ANAPC5: variants seen among roughly 807,000 people sequenced by gnomAD.
ANAPC5 encodes anaphase promoting complex subunit 5.
In ANAPC5, 60 loss-of-function variants were observed where a neutral mutation model predicts 91.3. The observed-to-expected ratio is 0.66, with a 90% CI of 0.53 to 0.81. The LOEUF is 0.81. Ranked by LOEUF, ANAPC5 falls within the 40% of genes least tolerant of loss-of-function variation. The pLI, the probability that ANAPC5 is intolerant of heterozygous loss-of-function variation, is 0.00. For synonymous variants in ANAPC5, 340 were observed against 364.1 expected (o/e 0.93, Z 0.75); for missense variants, 690 against 931.5 (o/e 0.74, Z 3.37).
chr12:121,327,276 G>A, intron 10 of ANAPC5, 45 bp from the exon 11 acceptor site: 1 of 1,604,096 alleles, frequency 6.2e-7, no homozygotes, highest in Non-Finnish European at 8.5e-7. Flanking sequence ...CAGCAGACCT[G>A]GCTGCGCTTT....
chr12:121,351,869 A>C (rs1555275414), intron 1 of ANAPC5, among the ~76,000 whole-genome samples: 2 of 152,072 alleles, frequency 1.3e-5, no homozygotes, highest in Non-Finnish European at 2.9e-5. Flanking sequence ...AAGAAGATAC[A>C]GGATCTGAGA....
At chr12:121,343,243 A>G (rs1555274278) in intron 4 of ANAPC5, among the ~76,000 whole-genome samples, 2 of 152,252 alleles carry the variant, frequency 1.3e-5, no homozygotes, top group African/African-American at 4.8e-5. Flanking sequence ...ACACTTTGCT[A>G]CTTTAAGCAT....
upstream of ANAPC5, among the ~76,000 whole-genome samples, chr12:121,352,718 T>TGGTGGTGG (rs1555275623): frequency 2.9e-4 from 30 of 102,420 alleles, no homozygotes; most frequent in Admixed American, 1.8e-3. Flanking sequence ...GTTGTTGTTG[T>TGGTGGTGG]TGGTGGTGGT....
chr12:121,344,303 G>A (rs1295765234), intron 4 of ANAPC5, among the ~76,000 whole-genome samples: 3 of 152,256 alleles, frequency 2.0e-5, no homozygotes, highest in Non-Finnish European at 4.4e-5. Flanking sequence ...TTGGGGCCGA[G>A]TGCGGTGGCT....
intron 11 of ANAPC5, among the ~76,000 whole-genome samples, chr12:121,322,465 T>A (rs1902654878): frequency 6.6e-6 from 1 of 152,188 alleles, no homozygotes; most frequent in Non-Finnish European, 1.5e-5. Context: ...AGCTTACATA[T>A]ATTTTTATAA....
In ANAPC5 at chr12:121,308,703, G is replaced by T; in HGVS notation, c.2057-12C>A. The T allele has an allele frequency of 6.2e-7, 1 of 1,610,860 alleles. No individual in the cohort carries two copies. Among genetic ancestry groups the T allele is most frequent in the South Asian group, 1.1e-5 (1 of 90,978 alleles). On this transcript the variant is annotated splice_polypyrimidine_tract_variant and intron_variant, in intron 16 of 16. Coordinates refer to ENST00000261819, the MANE Select transcript of ANAPC5 (RefSeq NM_016237.5). ...GGCAGCCTCCAGAGCTGACGGAAAGGGGAAAATAACACACACATTTAACTC... is the reference window on the plus strand; with the variant it reads ...GGCAGCCTCCAGAGCTGACGGAAAGTGGAAAATAACACACACATTTAACTC...
chr12:121,315,191 A>G lies in ANAPC5; in HGVS notation c.1893+3086T>C, dbSNP rs147084340. ...AAATGTTTAAAAAAATTTCATTTAA[A>G]TTACCATCAAAAAGAATAAAATACT... On this transcript the variant is annotated intron_variant, in intron 15 of 16. Transcript: ENST00000261819. 3.9e-5 allele frequency among the ~76,000 whole-genome samples: 6 copies of G among 152,350 alleles called. No homozygotes were observed. In the East Asian group the frequency reaches 9.6e-4, roughly 24 times the overall value.
chr12:121,352,429 C>T (rs540329867), upstream of ANAPC5: 30 of 1,058,466 alleles, frequency 2.8e-5, no homozygotes, highest in Admixed American at 1.8e-4. Context: ...CATCTCCGCC[C>T]GCCCTCACAA....
At chr12:121,352,741 C>CGTT (rs1282015702), upstream of ANAPC5, among the ~76,000 whole-genome samples, 2 of 28,764 alleles carry the variant, frequency 7.0e-5, no homozygotes, top group South Asian at 1.4e-3. Context: ...TGGTGGTTGT[C>CGTT]GTTGTTGTTG....
intron 15 of ANAPC5, 122 bp from the exon 16 acceptor site, chr12:121,309,985 T>A: frequency 2.2e-6 from 2 of 923,468 alleles, no homozygotes; most frequent in Non-Finnish European, 3.1e-6. Flanking sequence ...ACCTGACATG[T>A]ACTACGTTAA....
intron 1 of ANAPC5, among the ~76,000 whole-genome samples, chr12:121,349,867 C>T (rs1316688360): frequency 1.3e-5 from 2 of 151,596 alleles, no homozygotes; most frequent in African/African-American, 2.4e-5. Context: ...TCACAATGCC[C>T]GGCTAATTTT....
Position 121,336,471 on chromosome 12 carries a change from A to G in ANAPC5, c.760-748T>C, listed in dbSNP as rs151249117. On this transcript the variant is annotated intron_variant, in intron 6 of 16. Transcript: ENST00000261819. ...GGAGGGTGGATCACCTGAGGTCAGG[A>G]GTTCGAGACCAGCCTGGCCAACATG... 7.0e-3 allele frequency among the ~76,000 whole-genome samples: 1,067 copies of G among 152,206 alleles called. 14 individuals carry two copies. The highest frequency in any genetic ancestry group is 0.024 in the African/African-American group (1,014 of 41,536).
At chr12:121,317,411 G>A (rs530420726) in intron 15 of ANAPC5, among the ~76,000 whole-genome samples, 3 of 151,690 alleles carry the variant, frequency 2.0e-5, no homozygotes, top group Non-Finnish European at 4.4e-5. Context: ...GTGCCACCAC[G>A]CCCGGCTAAT....
At chr12:121,311,970 C>T (rs1902181442) in intron 15 of ANAPC5, among the ~76,000 whole-genome samples, 1 of 151,954 alleles carries the variant, frequency 6.6e-6, no homozygotes, top group South Asian at 2.1e-4. Flanking sequence ...ATGAACTGGC[C>T]CTAACATATA....
intron 11 of ANAPC5, among the ~76,000 whole-genome samples, chr12:121,325,902 A>T (rs1389551203): frequency 1.3e-5 from 2 of 152,234 alleles, no homozygotes; most frequent in Non-Finnish European, 2.9e-5. Flanking sequence ...TCACCGACTC[A>T]TTCATTACCA....
At position 121,352,351 on chromosome 12, in the gene ANAPC5, G is replaced by A; in HGVS notation, c.-11C>T. 6.3e-7 allele frequency: 1 copy of A among 1,586,634 alleles called. No individual in the cohort carries two copies. Among genetic ancestry groups the A allele is most frequent in the South Asian group, 1.1e-5 (1 of 89,830 alleles). On this transcript the variant is annotated 5_prime_UTR_variant, in exon 1 of 17. Coordinates refer to ENST00000261819, the MANE Select transcript of ANAPC5 (RefSeq NM_016237.5). ...GTGGACGCTGGCCATGGCGGCCCGA[G>A]ACTAAGTCTCGGGCCCGCGGCGCGC... is the stretch of plus-strand genomic sequence containing the variant.
intron 6 of ANAPC5, among the ~76,000 whole-genome samples, chr12:121,336,599 G>C (rs1903247170): frequency 1.3e-5 from 2 of 152,002 alleles, no homozygotes; most frequent in Non-Finnish European, 2.9e-5. Flanking sequence ...GAATCACTGA[G>C]AACCCGGGAG....
At chr12:121,318,700 A>AG in intron 13 of ANAPC5, 92 bp from the exon 14 acceptor site, 1 of 1,174,430 alleles carries the variant, frequency 8.5e-7, no homozygotes, top group Non-Finnish European at 1.2e-6. Flanking sequence ...AAACCTCCCA[A>AG]GGGAAAAAAC....
intron 16 of ANAPC5, 47 bp from the exon 17 acceptor site, chr12:121,308,738 C>T (rs760436803): frequency 2.0e-5 from 30 of 1,464,708 alleles, no homozygotes; most frequent in East Asian, 1.6e-4. Flanking sequence ...CAACCCTTCA[C>T]GTATAGTTTT....
Sources: gnomAD v4.1 joint callset for allele counts (sites outside exome capture counted in the v4.1 genomes callset) on GRCh38, gnomAD v4.1.1 for gene constraint, MANE v1.5 for transcripts, NCBI Gene and HGNC (gene_info 2026-07-23, HGNC 2026-07-21) for gene names.